Variants in FANCC observed in about 807,000 individuals in gnomAD.
The protein encoded by FANCC is FA complementation group C, also known as Fanconi anemia group C protein.
FANCC carries 55 observed loss-of-function variants against 71.3 expected under a neutral mutation model. That is an observed-to-expected ratio of 0.77 (90% CI 0.62 to 0.97). FANCC has a LOEUF of 0.97. FANCC is among the 50% of genes least tolerant of loss of function. The pLI is 0.00. For missense variants in FANCC, 678 were observed against 670.9 expected (o/e 1.01, Z -0.12); for synonymous variants, 275 against 244.9 (o/e 1.12, Z -1.15).
intron 6 of FANCC, among the ~76,000 whole-genome samples, chr9:95,166,580 C>T (rs907256517): frequency 6.6e-6 from 1 of 152,100 alleles, no homozygotes; most frequent in African/African-American, 2.4e-5. Flanking sequence ...TATTTTTACA[C>T]TTTTATCTTT....
chr9:95,111,258 C>T, intron 13 of FANCC: 1 of 1,544,782 alleles, frequency 6.5e-7, no homozygotes, highest in East Asian at 2.4e-5. Context: ...AGCGTCTCGT[C>T]TCTGGCCACC....
chr9:95,281,512 G>T (rs1833383501), intron 1 of FANCC, among the ~76,000 whole-genome samples: 1 of 152,092 alleles, frequency 6.6e-6, no homozygotes, highest in African/African-American at 2.4e-5. Context: ...ATCAGCACCA[G>T]ACCTGTCTTA....
intron 1 of FANCC, among the ~76,000 whole-genome samples, chr9:95,263,884 T>C (rs896782386): frequency 6.6e-6 from 1 of 152,158 alleles, no homozygotes; most frequent in Non-Finnish European, 1.5e-5. Context: ...ATTATGGAAA[T>C]ATAGGGCATG....
In FANCC at chr9:95,270,877, G is replaced by A. The variant is rs139078562; in HGVS notation, c.-78-21508C>T. Among the ~76,000 whole-genome samples the A allele has an allele frequency of 9.1e-4, 139 of 152,224 alleles. 2 individuals carry two copies. The East Asian group carries it at 0.023, about 26-fold the overall frequency. On this transcript the variant is annotated intron_variant, in intron 1 of 14. Transcript: ENST00000289081. ...TAGCAAAAATTTCATAATCCTGCTC[G>A]ATTTGGCCCATTTGTGGACTTCACT...
chr9:95,262,859 C>T (rs749199748), intron 1 of FANCC, among the ~76,000 whole-genome samples: 4 of 152,070 alleles, frequency 2.6e-5, no homozygotes, highest in Non-Finnish European at 5.9e-5. Flanking sequence ...AGACAAAATG[C>T]GGAAGGACAG....
intron 4 of FANCC, among the ~76,000 whole-genome samples, chr9:95,173,115 T>A (rs1825785918): frequency 6.6e-6 from 1 of 152,078 alleles, no homozygotes; most frequent in South Asian, 2.1e-4. Flanking sequence ...AAGGGTAGGG[T>A]AAAACACCTG....
At chr9:95,311,749 A>C (rs1354206589) in intron 1 of FANCC, among the ~76,000 whole-genome samples, 2 of 123,028 alleles carry the variant, frequency 1.6e-5, no homozygotes, top group Non-Finnish European at 1.7e-5. Context: ...GTGTGTGAAA[A>C]ACCGCAGCCT....
chr9:95,271,924 C>CTTTTTTTTTTTTTTTT (rs1300486732), intron 1 of FANCC, among the ~76,000 whole-genome samples: 2 of 67,238 alleles, frequency 3.0e-5, no homozygotes, highest in African/African-American at 4.9e-5. Flanking sequence ...CATCAAGCCT[C>CTTTTTTTTTTTTTTTT]TTCTTTTTTT....
At chr9:95,133,793 C>T (rs918162607) in intron 8 of FANCC, among the ~76,000 whole-genome samples, 2 of 152,144 alleles carry the variant, frequency 1.3e-5, no homozygotes, top group Non-Finnish European at 2.9e-5. Context: ...CTAGTATGCA[C>T]ATGTAAGTTA....
At chr9:95,128,909 C>CTTT (rs756314206) in intron 8 of FANCC, among the ~76,000 whole-genome samples, 1 of 144,742 alleles carries the variant, frequency 6.9e-6, no homozygotes, top group Non-Finnish European at 1.5e-5. Context: ...AACCAGTCTC[C>CTTT]TTTTTTTTTT....
At position 95,141,536 on chromosome 9, in the gene FANCC, C is replaced by T. The variant is rs561800429; in HGVS notation, c.687-6034G>A. ...TATCTAAGTTGAAAAAAACATAAAC[C>T]CAACATCTTGATTGTAGGTCGGCCC... is the stretch of plus-strand genomic sequence containing the variant. On this transcript the variant is annotated intron_variant, in intron 7 of 14. Coordinates refer to ENST00000289081, the MANE Select transcript of FANCC (RefSeq NM_000136.3). 6.3e-4 allele frequency among the ~76,000 whole-genome samples: 96 copies of T among 152,046 alleles called. 1 individual carries two copies. Among genetic ancestry groups the T allele is most frequent in the Non-Finnish European group, 1.1e-3 (73 of 67,984 alleles).
At chr9:95,196,315 G>C (rs967579840) in intron 4 of FANCC, among the ~76,000 whole-genome samples, 5 of 151,690 alleles carry the variant, frequency 3.3e-5, no homozygotes, top group Non-Finnish European at 7.4e-5. Flanking sequence ...ATCATGAATA[G>C]GTATTGGATC....
rs1588430783 is a variant in FANCC at position 95,294,459 on chromosome 9, C to T, written c.-79+23067G>A. The T allele has an allele frequency of 6.2e-6, 10 of 1,602,006 alleles. No homozygotes were observed. The South Asian group carries it at 9.9e-5, about 16-fold the overall frequency. ...TGTTTGACAGACAAACACAGACAGACTTAAACTTTTTCTTAGACAGTAGCC... is the reference window on the plus strand; with the variant it reads ...TGTTTGACAGACAAACACAGACAGATTTAAACTTTTTCTTAGACAGTAGCC... On this transcript the variant is annotated intron_variant, in intron 1 of 14. Coordinates refer to ENST00000289081, the MANE Select transcript of FANCC (RefSeq NM_000136.3).
intron 6 of FANCC, among the ~76,000 whole-genome samples, chr9:95,163,279 T>C (rs1212305671): frequency 2.6e-5 from 4 of 152,180 alleles, no homozygotes; most frequent in Non-Finnish European, 4.4e-5. Context: ...CTCTATTCTG[T>C]TTTAATGGTC....
At chr9:95,270,185 A>T (rs2136212703) in intron 1 of FANCC, among the ~76,000 whole-genome samples, 1 of 152,280 alleles carries the variant, frequency 6.6e-6, no homozygotes, top group Non-Finnish European at 1.5e-5. Context: ...TTTTCCCCAC[A>T]ATTATATGTC....
intron 6 of FANCC, among the ~76,000 whole-genome samples, chr9:95,168,436 G>A (rs1431640390): frequency 1.3e-5 from 2 of 152,198 alleles, no homozygotes; most frequent in Admixed American, 6.5e-5. Context: ...TCCTTTATCT[G>A]CAGTTTTACT....
At chr9:95,300,802 C>T (rs1008333935) in intron 1 of FANCC, among the ~76,000 whole-genome samples, 1 of 152,108 alleles carries the variant, frequency 6.6e-6, no homozygotes, top group Admixed American at 6.5e-5. Flanking sequence ...AATGAGAGGA[C>T]CACCATCATT....
chr9:95,203,822 T>C (rs899149047), intron 4 of FANCC, among the ~76,000 whole-genome samples: 6 of 152,340 alleles, frequency 3.9e-5, no homozygotes, highest in Non-Finnish European at 7.3e-5. Flanking sequence ...AGCTGTGTTC[T>C]CCTATCTGTT....
chr9:95,284,839 G>A (rs1013810926), intron 1 of FANCC, among the ~76,000 whole-genome samples: 4 of 150,694 alleles, frequency 2.7e-5, no homozygotes, highest in Non-Finnish European at 4.4e-5. Flanking sequence ...TCATTTACTT[G>A]AACTCTAAGA....
Sources: gnomAD v4.1 joint callset for allele counts (sites outside exome capture counted in the v4.1 genomes callset) on GRCh38, gnomAD v4.1.1 for gene constraint, MANE v1.5 for transcripts, NCBI Gene and HGNC (gene_info 2026-07-23, HGNC 2026-07-21) for gene names.